SORCS2: variants seen among roughly 807,000 people sequenced by gnomAD.
SORCS2 encodes sortilin related VPS10 domain containing receptor 2, also known as VPS10 domain-containing receptor SorCS2.
In SORCS2, 100 loss-of-function variants were observed where a neutral mutation model predicts 141.6. The observed-to-expected ratio is 0.71, with a 90% CI of 0.60 to 0.83. SORCS2 has a LOEUF of 0.83. SORCS2 is among the 40% of genes least tolerant of loss of function. The pLI is 0.00. For synonymous variants in SORCS2, 789 were observed against 676.9 expected, an observed-to-expected ratio of 1.17 and a Z score of -2.57; for missense variants, 1,646 against 1,560.2, an observed-to-expected ratio of 1.05 and a Z score of -0.93.
rs111540684 is a variant in SORCS2 at position 7,495,990 on chromosome 4, G to A, written c.549-35540G>A. On this transcript the variant is annotated intron_variant, in intron 2 of 26. Coordinates refer to ENST00000507866, the MANE Select transcript of SORCS2 (RefSeq NM_020777.3). Reference sequence around the variant, plus strand: ...CTGGGCGAGGGACAGAATGTGGGCCGAGGGTGGAAGGATGGGGAGGCCTGG... The same window carrying A: ...CTGGGCGAGGGACAGAATGTGGGCCAAGGGTGGAAGGATGGGGAGGCCTGG... Among the ~76,000 whole-genome samples the A allele has an allele frequency of 1.4e-3, 220 of 152,324 alleles. 1 individual carries two copies. The highest frequency in any genetic ancestry group is 6.8e-3 in the Middle Eastern group (2 of 294).
intron 3 of SORCS2, among the ~76,000 whole-genome samples, chr4:7,568,518 C>T (rs1260620075): frequency 6.6e-6 from 1 of 152,204 alleles, no homozygotes; most frequent in Admixed American, 6.5e-5. Flanking sequence ...CTTCCATCCT[C>T]ATTTCATGTT....
chr4:7,413,030 C>T (rs973099514), intron 2 of SORCS2, among the ~76,000 whole-genome samples: 9 of 152,068 alleles, frequency 5.9e-5, no homozygotes, highest in African/African-American at 2.2e-4. Context: ...CAGTGTTAAC[C>T]GCCTCCCATT....
At chr4:7,388,428 G>C (rs998634313) in intron 1 of SORCS2, among the ~76,000 whole-genome samples, 9 of 152,154 alleles carry the variant, frequency 5.9e-5, no homozygotes, top group Non-Finnish European at 1.2e-4. Context: ...GAAAGGAGGA[G>C]TCTTCTTTAT....
chr4:7,226,260 T>C (rs1728984194), intron 1 of SORCS2, among the ~76,000 whole-genome samples: 1 of 152,148 alleles, frequency 6.6e-6, no homozygotes, highest in African/African-American at 2.4e-5. Flanking sequence ...CCTTTGGGAC[T>C]GAGGCTTGGA....
intron 10 of SORCS2, among the ~76,000 whole-genome samples, chr4:7,687,894 C>T (rs1414756474): frequency 6.6e-6 from 1 of 152,204 alleles, no homozygotes; most frequent in Non-Finnish European, 1.5e-5. Flanking sequence ...CATCAGCCTC[C>T]AGCCCCTAGC....
chr4:7,436,073 A>G (rs1416369007), intron 2 of SORCS2, among the ~76,000 whole-genome samples: 1 of 152,278 alleles, frequency 6.6e-6, no homozygotes, highest in African/African-American at 2.4e-5. Flanking sequence ...TACAGGGGTC[A>G]GGAAGAGAAG....
intron 3 of SORCS2, among the ~76,000 whole-genome samples, chr4:7,630,858 G>T (rs1377976052): frequency 1.3e-5 from 2 of 152,038 alleles, no homozygotes; most frequent in East Asian, 3.9e-4. Flanking sequence ...CTGGGCAATT[G>T]GGTTTTAAAT....
At chr4:7,250,173 C>T (rs994410374) in intron 1 of SORCS2, among the ~76,000 whole-genome samples, 2 of 152,082 alleles carry the variant, frequency 1.3e-5, no homozygotes, top group Admixed American at 6.5e-5. Flanking sequence ...ACCCGGGAGG[C>T]GGAGGTTGCA....
chr4:7,712,587 C>T lies in SORCS2; in HGVS notation c.1869-146C>T, dbSNP rs919671841. 2.4e-5 allele frequency: 29 copies of T among 1,216,450 alleles called. No individual in the cohort carries two copies. The African/African-American group carries it at 3.4e-4, about 14-fold the overall frequency. The allele number at this position is 1,216,450 out of a possible 1,614,324, so 75.4% of individuals were successfully genotyped here. On this transcript the variant is annotated intron_variant, in intron 14 of 26. Transcript: ENST00000507866. ...CCAGGCTCGGTGACCGGGGCAGCCT[C>T]GCTCTGATCTCCAGCAAGGGCAGGA...
chr4:7,228,770 C>T (rs1711588124), intron 1 of SORCS2, among the ~76,000 whole-genome samples: 1 of 152,234 alleles, frequency 6.6e-6, no homozygotes, highest in Non-Finnish European at 1.5e-5. Context: ...TGGCCACAGG[C>T]ATGTGCTGGG....
At chr4:7,607,846 C>T (rs1326126280) in intron 3 of SORCS2, among the ~76,000 whole-genome samples, 1 of 152,078 alleles carries the variant, frequency 6.6e-6, no homozygotes, top group African/African-American at 2.4e-5. Flanking sequence ...AGCCCCCAGC[C>T]CCAGGGCTGT....
intron 4 of SORCS2, among the ~76,000 whole-genome samples, chr4:7,650,271 G>T (rs961640084): frequency 6.6e-6 from 1 of 152,196 alleles, no homozygotes; most frequent in African/African-American, 2.4e-5. Context: ...GCGATGTTGT[G>T]GGGGCACCTT....
At chr4:7,452,948 T>A (rs1309085942) in intron 2 of SORCS2, among the ~76,000 whole-genome samples, 9 of 95,722 alleles carry the variant, frequency 9.4e-5, no homozygotes, top group South Asian at 7.9e-4. Context: ...TGGGGTCAGG[T>A]GCTGTGTGTT....
In SORCS2 at chr4:7,454,910, T is replaced by C. The variant is rs1420966112; in HGVS notation, c.548+58555T>C. 4.0e-5 allele frequency among the ~76,000 whole-genome samples: 5 copies of C among 124,564 alleles called. No individual in the cohort carries two copies. In the South Asian group the frequency reaches 9.2e-4, roughly 23 times the overall value. 81.7% of individuals were successfully genotyped at this position (124,564 alleles called of 152,430 possible). A position where few individuals can be genotyped will look rare whatever the true frequency, so the allele number is the denominator to read the frequency against. On this transcript the variant is annotated intron_variant, in intron 2 of 26. Coordinates refer to ENST00000507866, the MANE Select transcript of SORCS2 (RefSeq NM_020777.3). ...CAGGTGCTGTGTTGGGGTCAGGCAC[T>C]GTGTTGGGGTCAGGTGCTGTGTGTT...
intron 1 of SORCS2, among the ~76,000 whole-genome samples, chr4:7,304,165 C>T (rs1049068681): frequency 1.3e-5 from 2 of 152,266 alleles, no homozygotes; most frequent in Admixed American, 1.3e-4. Flanking sequence ...AAAGACCAAA[C>T]CCTGAGTCTT....
At chr4:7,469,561 A>T (rs1729844842) in intron 2 of SORCS2, among the ~76,000 whole-genome samples, 1 of 152,202 alleles carries the variant, frequency 6.6e-6, no homozygotes, top group Non-Finnish European at 1.5e-5. Context: ...TGCCTGCCTG[A>T]GTCTGTAGCT....
intron 2 of SORCS2, among the ~76,000 whole-genome samples, chr4:7,403,980 TATATATATATATATA>T (rs1415515582): frequency 5.3e-5 from 1 of 18,738 alleles, no homozygotes; most frequent in East Asian, 8.4e-4. Flanking sequence ...TATATATATA[TATATATATATATATA>T]TATTTTTTTT....
At chr4:7,456,868 C>T (rs1312511231) in intron 2 of SORCS2, among the ~76,000 whole-genome samples, 1 of 146,302 alleles carries the variant, frequency 6.8e-6, no homozygotes, top group African/African-American at 2.5e-5. Flanking sequence ...CCCCACCCTA[C>T]CCTGGCATTT....
intron 1 of SORCS2, among the ~76,000 whole-genome samples, chr4:7,269,826 AC>A (rs1483114384): frequency 1.3e-5 from 2 of 152,182 alleles, no homozygotes; most frequent in African/African-American, 4.8e-5. Flanking sequence ...TGAGCCACCC[AC>A]TGTGTGGTGA....
Sources: gnomAD v4.1 joint callset for allele counts (sites outside exome capture counted in the v4.1 genomes callset) on GRCh38, gnomAD v4.1.1 for gene constraint, MANE v1.5 for transcripts, NCBI Gene and HGNC (gene_info 2026-07-23, HGNC 2026-07-21) for gene names.